IL1RAPL1: variants seen among roughly 807,000 people sequenced by gnomAD.
IL1RAPL1 encodes interleukin-1 receptor accessory protein-like 1.
IL1RAPL1 carries 3 observed loss-of-function variants against 48.4 expected under a neutral mutation model. That is an observed-to-expected ratio of 0.06 (90% CI 0.03 to 0.16). IL1RAPL1 has a LOEUF of 0.16. Among genes scored for constraint, IL1RAPL1 ranks in the 10% least tolerant of loss-of-function variants. The pLI, the probability that IL1RAPL1 is intolerant of heterozygous loss-of-function variation, is 1.00. For missense variants in IL1RAPL1, 349 were observed against 530.6 expected (o/e 0.66, Z 3.36); for synonymous variants, 185 against 187.7 (o/e 0.99, Z 0.12).
chrX:29,178,044 T>C (rs751917612), intron 2 of IL1RAPL1, among the ~76,000 whole-genome samples: 16 of 111,836 alleles, frequency 1.4e-4, no homozygotes, highest in Non-Finnish European at 1.7e-4. Context: ...AATAGTGTTG[T>C]AATAAACGTA....
chrX:28,947,707 TATA>T (rs1168416474), intron 2 of IL1RAPL1, among the ~76,000 whole-genome samples: 1 of 111,798 alleles, frequency 8.9e-6, no homozygotes, highest in East Asian at 2.8e-4. Flanking sequence ...ACTTAAAAAG[TATA>T]ATAAAAAATA....
intron 6 of IL1RAPL1, among the ~76,000 whole-genome samples, chrX:29,796,531 G>A (rs1355156282): frequency 1.8e-5 from 2 of 111,327 alleles, no homozygotes; most frequent in African/African-American, 6.5e-5. Flanking sequence ...ATACCCAACA[G>A]CCAATCTATC....
chrX:29,801,460 G>A (rs1449922608), intron 6 of IL1RAPL1, among the ~76,000 whole-genome samples: 1 of 110,867 alleles, frequency 9.0e-6, no homozygotes, highest in Non-Finnish European at 1.9e-5. Flanking sequence ...GCTTTTGGAG[G>A]TCATTTTATC....
intron 6 of IL1RAPL1, among the ~76,000 whole-genome samples, chrX:29,730,861 T>C (rs1836207874): frequency 8.9e-6 from 1 of 111,818 alleles, no homozygotes; most frequent in South Asian, 3.8e-4. Context: ...ACAGTAAGGC[T>C]ATAACCCAGC....
intron 9 of IL1RAPL1, among the ~76,000 whole-genome samples, chrX:29,942,723 G>A (rs1029084647): frequency 1.8e-5 from 2 of 108,846 alleles, no homozygotes; most frequent in Non-Finnish European, 3.8e-5. Flanking sequence ...GGGTTCAAGC[G>A]ATCCTCCTGC....
intron 6 of IL1RAPL1, among the ~76,000 whole-genome samples, chrX:29,866,787 G>A (rs1442688998): frequency 2.8e-5 from 3 of 108,015 alleles, no homozygotes; most frequent in Non-Finnish European, 5.7e-5. Context: ...AACAGAACTC[G>A]AGCTCTCACC....
chrX:29,660,113 A>G (rs1925797395), intron 5 of IL1RAPL1, among the ~76,000 whole-genome samples: 2 of 111,352 alleles, frequency 1.8e-5, no homozygotes, highest in South Asian at 7.7e-4. Flanking sequence ...CTCACTCACT[A>G]TCATGAGAAC....
At chrX:29,434,342 G>A (rs1934456824) in intron 5 of IL1RAPL1, among the ~76,000 whole-genome samples, 1 of 109,921 alleles carries the variant, frequency 9.1e-6, no homozygotes, top group African/African-American at 3.3e-5. Flanking sequence ...TCCATGAAGA[G>A]ATATTTTTTA....
At chrX:28,881,139 A>G (rs1922493175) in intron 2 of IL1RAPL1, among the ~76,000 whole-genome samples, 1 of 111,171 alleles carries the variant, frequency 9.0e-6, no homozygotes, top group Non-Finnish European at 1.9e-5. Flanking sequence ...GTTTAAACCT[A>G]GGCTTCTACC....
intron 6 of IL1RAPL1, among the ~76,000 whole-genome samples, chrX:29,895,419 G>A (rs1188638496): frequency 9.0e-6 from 1 of 111,271 alleles, no homozygotes; most frequent in Non-Finnish European, 1.9e-5. Flanking sequence ...GGGTGTGGTG[G>A]CACATGCCTG....
intron 6 of IL1RAPL1, among the ~76,000 whole-genome samples, chrX:29,906,537 T>G (rs1932636870): frequency 1.3e-5 from 1 of 76,413 alleles, no homozygotes; most frequent in Admixed American, 1.8e-4. Context: ...GTAGCCTGGT[T>G]GGGTTGCCAG....
chrX:29,923,395 G>A (rs914819202), intron 8 of IL1RAPL1, among the ~76,000 whole-genome samples: 2 of 111,611 alleles, frequency 1.8e-5, no homozygotes, highest in Non-Finnish European at 3.8e-5. Flanking sequence ...TTACTATACA[G>A]AGCACTAGAA....
chrX:29,684,706 A>G (rs1263228131), intron 6 of IL1RAPL1, among the ~76,000 whole-genome samples: 2 of 111,675 alleles, frequency 1.8e-5, no homozygotes, highest in African/African-American at 3.3e-5. Flanking sequence ...CACTTAGGAA[A>G]ATGGAAGTAC....
At chrX:29,704,448 C>T (rs919929571) in intron 6 of IL1RAPL1, among the ~76,000 whole-genome samples, 109 of 111,068 alleles carry the variant, frequency 9.8e-4, no homozygotes, top group Middle Eastern at 4.6e-3. Flanking sequence ...TCAGGCAGAT[C>T]TCTTGAGGTC....
intron 5 of IL1RAPL1, among the ~76,000 whole-genome samples, chrX:29,580,935 T>C (rs187100659): frequency 5.5e-4 from 62 of 112,409 alleles, no homozygotes; most frequent in African/African-American, 1.6e-3. Context: ...TCTGTATGAC[T>C]CATTCTGTCT....
intron 2 of IL1RAPL1, among the ~76,000 whole-genome samples, chrX:29,262,651 G>A (rs1235822623): frequency 1.9e-5 from 2 of 103,794 alleles, no homozygotes; most frequent in Non-Finnish European, 3.9e-5. Context: ...CAACAAGAGC[G>A]AAACTCCATC....
intron 6 of IL1RAPL1, among the ~76,000 whole-genome samples, chrX:29,839,066 A>G (rs967431314): frequency 8.9e-6 from 1 of 112,416 alleles, no homozygotes; most frequent in Non-Finnish European, 1.9e-5. Flanking sequence ...CTATTGTTCC[A>G]TTGGCAAAAT....
intron 2 of IL1RAPL1, among the ~76,000 whole-genome samples, chrX:29,023,723 T>C (rs768371110): frequency 8.9e-6 from 1 of 112,383 alleles, no homozygotes; most frequent in African/African-American, 3.2e-5. Flanking sequence ...CACTTATGTC[T>C]TGATACCTTC....
intron 5 of IL1RAPL1, among the ~76,000 whole-genome samples, chrX:29,590,396 C>T (rs1443013346): frequency 9.0e-6 from 1 of 111,604 alleles, no homozygotes; most frequent in Non-Finnish European, 1.9e-5. Context: ...TAGAAATGTA[C>T]AAAAGGCCTA....
Sources: allele counts gnomAD v4.1 joint callset (sites outside exome capture counted in the v4.1 genomes callset), GRCh38; gene constraint gnomAD v4.1.1; transcripts MANE v1.5; gene names NCBI Gene and HGNC (gene_info 2026-07-23, HGNC 2026-07-21).